GALC: variants seen among roughly 807,000 people sequenced by gnomAD.
GALC encodes the protein galactocerebrosidase.
In GALC, 77 loss-of-function variants were observed where a neutral mutation model predicts 91.8. The observed-to-expected ratio is 0.84, with a 90% CI of 0.70 to 1.01. The LOEUF is 1.01. GALC is among the 50% of genes least tolerant of loss of function. GALC has a pLI of 0.00. For synonymous variants in GALC, 357 were observed against 306.7 expected, an observed-to-expected ratio of 1.16 and a Z score of -1.71; for missense variants, 882 against 855.9, an observed-to-expected ratio of 1.03 and a Z score of -0.38.
rs1886491191 is a variant in GALC, at chr14:87,976,353, C to T, written c.752+5G>A. ...TGCTAGTTTTCCAAGTAAAACATGC[C>T]TTACCCTATAACATCAACCACCTTG... is the stretch of plus-strand genomic sequence containing the variant. On this transcript the variant is annotated splice_donor_5th_base_variant and intron_variant, in intron 7 of 16. Coordinates refer to ENST00000261304, the MANE Select transcript of GALC (RefSeq NM_000153.4). 8 of 1,613,788 alleles carry T rather than the reference C, an allele frequency of 5.0e-6. No individual in the cohort carries two copies. In the Middle Eastern group the frequency reaches 9.9e-4, roughly 200 times the overall value.
At chr14:87,955,917 C>T (rs74073727) in intron 10 of GALC, among the ~76,000 whole-genome samples, 2,496 of 151,112 alleles carry the variant, frequency 0.017, 65 homozygotes, top group African/African-American at 0.057. Context: ...TCAGAGTATG[C>T]CGAGTATTAA....
At position 87,934,798 on chromosome 14, in the gene GALC, A is replaced by G. The variant is rs763585644; in HGVS notation, c.1992T>C (p.Ala664=). ...ATTCAAAGGAGTGAGTTCCAATTGC[A>G]GCCCAGCCATTCTTTGGAAAATTCA... is the stretch of plus-strand genomic sequence containing the variant. The part of the protein sequence containing the change: ...IPVNFPKNGW[A]AIGTHSFEFA... Residue 664 remains alanine, a synonymous_variant, in exon 17 of 17, where the codon GCT becomes GCC. Transcript: ENST00000261304. The G allele has an allele frequency of 2.2e-5, 35 of 1,613,114 alleles. 1 individual carries two copies. The South Asian group carries it at 3.8e-4, about 18-fold the overall frequency.
rs117103054 is a variant in GALC at position 87,983,296 on chromosome 14, C to A, written c.583-1053G>T. 8.3e-3 allele frequency among the ~76,000 whole-genome samples: 1,261 copies of A among 152,028 alleles called. 57 individuals are homozygous for A. The East Asian group carries it at 0.12, about 15-fold the overall frequency. ...GCAGTGAGCCAAGATCACAACACTG[C>A]ACTCCAATCCGGGTGACAGTGTAAA... On this transcript the variant is annotated intron_variant, in intron 5 of 16. Coordinates refer to ENST00000261304, the MANE Select transcript of GALC (RefSeq NM_000153.4).
At chr14:87,969,406 G>C (rs1226794611) in intron 7 of GALC, among the ~76,000 whole-genome samples, 2 of 151,998 alleles carry the variant, frequency 1.3e-5, no homozygotes, top group Non-Finnish European at 2.9e-5. Flanking sequence ...GTCAGTTGGT[G>C]GAAGTATAAA....
At chr14:87,960,332 G>GGTGTT (rs1885749500) in intron 10 of GALC, among the ~76,000 whole-genome samples, 1 of 152,168 alleles carries the variant, frequency 6.6e-6, no homozygotes, top group South Asian at 2.1e-4. Context: ...TGTAAGTTCT[G>GGTGTT]GTGTTTTCTT....
chr14:87,974,909 C>G (rs546553176), intron 7 of GALC, among the ~76,000 whole-genome samples: 6 of 151,974 alleles, frequency 3.9e-5, no homozygotes, highest in African/African-American at 1.4e-4. Context: ...AAGTACATAT[C>G]CAAGTCCTTC....
At chr14:87,966,685 C>G (rs975004698) in intron 8 of GALC, among the ~76,000 whole-genome samples, 3 of 152,122 alleles carry the variant, frequency 2.0e-5, no homozygotes, top group African/African-American at 7.2e-5. Context: ...ATGTATAACT[C>G]AAGACAAGCT....
upstream of GALC, chr14:87,993,436 G>A (rs1255844473): frequency 6.5e-7 from 1 of 1,535,870 alleles, no homozygotes; most frequent in African/African-American, 1.4e-5. Context: ...CAGGGAAGGT[G>A]GATTCCAAGG....
intron 1 of GALC, chr14:87,992,326 C>T (rs2139767145): frequency 6.5e-7 from 1 of 1,535,722 alleles, no homozygotes; most frequent in African/African-American, 1.4e-5. Flanking sequence ...CACCATGAAG[C>T]CCATGGGCCC....
chr14:87,938,604 T>G (rs10134254), intron 16 of GALC, among the ~76,000 whole-genome samples: 69,828 of 151,858 alleles, frequency 0.46, 17,727 homozygotes, highest in East Asian at 0.75. Context: ...TATCCATTTT[T>G]TAAAAAATTA....
rs369997150 is a variant in GALC at position 87,950,641 on chromosome 14, T to C, written c.1251+18A>G. The C allele has an allele frequency of 1.3e-4, 190 of 1,442,686 alleles. 1 individual carries two copies. In the East Asian group the frequency reaches 2.7e-3, roughly 21 times the overall value. 89.4% of individuals were successfully genotyped at this position (1,442,686 alleles called of 1,614,324 possible). On this transcript the variant is annotated intron_variant, in intron 11 of 16. Coordinates refer to ENST00000261304, the MANE Select transcript of GALC (RefSeq NM_000153.4). ...TTCTTAAATCAAAACTAAAATAAAGTTAAACATATTTACTTACAAAAGATC... is the reference window on the plus strand; with the variant it reads ...TTCTTAAATCAAAACTAAAATAAAGCTAAACATATTTACTTACAAAAGATC...
At position 87,949,931 on chromosome 14, in the gene GALC, T is replaced by C; in HGVS notation, c.1252A>G (p.Ser418Gly). 1 of 1,531,984 alleles carries C rather than the reference T, an allele frequency of 6.5e-7. No homozygotes were observed. The highest frequency in any genetic ancestry group is 9.0e-7 in the Non-Finnish European group (1 of 1,106,284). 94.9% of individuals were successfully genotyped at this position (1,531,984 alleles called of 1,614,324 possible). The change falls in exon 12 of 17, where the codon AGT becomes GGT. Residue 418 changes from serine (S) to glycine (G), a missense_variant and splice_region_variant. Coordinates refer to ENST00000261304, the MANE Select transcript of GALC (RefSeq NM_000153.4). ...FATFVLKGSF[S>G]EIPELQVWYT... Reference sequence around the variant, plus strand: ...CATACCTGTAGCTCTGGTATTTCACTCTGTAAAGAAAAGACAAAAAAGCAT... The same window carrying C: ...CATACCTGTAGCTCTGGTATTTCACCCTGTAAAGAAAAGACAAAAAAGCAT...
intron 3 of GALC, chr14:87,987,715 A>G (rs1281833428): frequency 1.2e-5 from 2 of 162,824 alleles, no homozygotes; most frequent in African/African-American, 4.8e-5. Context: ...CTGAAGATTT[A>G]GTGATTAAAG....
Position 87,963,415 on chromosome 14 carries a change from A to C in GALC, c.1130T>G (p.Leu377Ter), listed in dbSNP as rs1885893348. The change falls in exon 10 of 17, where the codon TTA becomes TGA. Residue 377 changes from leucine to a stop codon, truncating the protein, a stop_gained. Coordinates refer to ENST00000261304, the MANE Select transcript of GALC (RefSeq NM_000153.4). LOFTEE classifies it high-confidence loss of function. Reference protein sequence around the residue: ...GGSYVALTDGLGNLTIIIETM... With the variant: ...GGSYVALTDG Reference sequence around the variant, plus strand: ...TTCAATGATGATGGTGAGGTTCCCTAAGCCATCAGTCAGAGCTACGTAGCT... The same window carrying C: ...TTCAATGATGATGGTGAGGTTCCCTCAGCCATCAGTCAGAGCTACGTAGCT... 6.2e-7 allele frequency: 1 copy of C among 1,613,272 alleles called. No homozygotes were observed. The highest frequency in any genetic ancestry group is 1.3e-5 in the African/African-American group (1 of 74,906).
chr14:87,958,061 A>C (rs553427006), intron 10 of GALC, among the ~76,000 whole-genome samples: 82 of 152,288 alleles, frequency 5.4e-4, no homozygotes, highest in African/African-American at 1.9e-3. Flanking sequence ...AAGCAATCCT[A>C]AACAAAAAGA....
Position 87,968,407 on chromosome 14 carries a change from A to C in GALC, c.836T>G (p.Leu279Ter), listed in dbSNP as rs1566993302. The C allele has an allele frequency of 6.2e-7, 1 of 1,613,908 alleles. No individual in the cohort carries two copies. ...KLWSSEDFST[L>*]NSDMGAGCWG... is the part of the protein sequence containing the mutation. ...GCAGCCTGCACCCATGTCACTATTT[A>C]AAGTGCTAAAGTCTTCAGAAGACCA... The change falls in exon 8 of 17, where the codon TTA (leucine) becomes TGA (stop). Residue 279 changes from leucine (L) to a stop codon, truncating the protein, a stop_gained. Coordinates refer to ENST00000261304, the MANE Select transcript of GALC (RefSeq NM_000153.4). LOFTEE classifies it high-confidence loss of function.
At position 87,986,604 on chromosome 14, in the gene GALC, TGAATAGAGGA is replaced by T. The variant is rs1481516968; in HGVS notation, c.329-12_329-3del. On this transcript the variant is annotated splice_region_variant and splice_polypyrimidine_tract_variant and intron_variant, in intron 3 of 16. Transcript: ENST00000261304. ...GCATGTGGGAGGGCTCAGTGCCGTC[TGAATAGAGGA>T]GAGCAAAAACGGAAGTAATGATCCA... 1 of 1,596,942 alleles carries T rather than the reference TGAATAGAGGA, an allele frequency of 6.3e-7. No homozygotes were observed. The highest frequency in any genetic ancestry group is 8.6e-7 in the Non-Finnish European group (1 of 1,164,662).
At chr14:87,963,800 C>G (rs568495361) in intron 9 of GALC, among the ~76,000 whole-genome samples, 20 of 151,972 alleles carry the variant, frequency 1.3e-4, no homozygotes, top group East Asian at 3.9e-4. Flanking sequence ...TATTCCCCCC[C>G]CAAACTTGGT....
chr14:87,961,246 G>A (rs962798751), intron 10 of GALC, among the ~76,000 whole-genome samples: 4 of 152,074 alleles, frequency 2.6e-5, no homozygotes, highest in Non-Finnish European at 4.4e-5. Flanking sequence ...AATGCATATT[G>A]AACTACAATA....
Sources: gnomAD v4.1 joint callset for allele counts (sites outside exome capture counted in the v4.1 genomes callset) on GRCh38, gnomAD v4.1.1 for gene constraint, MANE v1.5 for transcripts, NCBI Gene and HGNC (gene_info 2026-07-23, HGNC 2026-07-21) for gene names.